Variants in RPTOR observed in about 807,000 individuals in gnomAD.
RPTOR encodes regulatory-associated protein of mTOR.
Under a neutral mutation model 169.9 loss-of-function variants are expected in RPTOR, and 21 were observed. The ratio of observed to expected loss-of-function variants is 0.12; its 90% CI spans 0.09 to 0.18. RPTOR has a LOEUF of 0.18. Among genes scored for constraint, RPTOR ranks in the 10% least tolerant of loss-of-function variants. The pLI, the probability that RPTOR is intolerant of heterozygous loss-of-function variation, is 1.00. For missense variants in RPTOR, 1,133 were observed against 1,855.9 expected (o/e 0.61, Z 7.16); for synonymous variants, 732 against 753.2 (o/e 0.97, Z 0.46).
At chr17:80,790,103 C>T (rs2067032135) in intron 6 of RPTOR, among the ~76,000 whole-genome samples, 1 of 152,172 alleles carries the variant, frequency 6.6e-6, no homozygotes, top group South Asian at 2.1e-4. Context: ...CTGGGCATGG[C>T]TGAGGAGAGC....
At chr17:80,894,280 T>C (rs1175432111) in intron 20 of RPTOR, among the ~76,000 whole-genome samples, 3 of 152,158 alleles carry the variant, frequency 2.0e-5, no homozygotes, top group Non-Finnish European at 4.4e-5. Flanking sequence ...CTTGTCCCAG[T>C]GGGTGAGGCC....
intron 1 of RPTOR, among the ~76,000 whole-genome samples, chr17:80,615,762 T>C (rs551186534): frequency 2.6e-5 from 4 of 152,242 alleles, no homozygotes; most frequent in Admixed American, 2.6e-4. Context: ...TCCTCCATTC[T>C]TTTTCTTCCC....
intron 21 of RPTOR, among the ~76,000 whole-genome samples, chr17:80,918,512 A>AGCACCCTCACGGGGGTCATAGCCATGAG (rs2068705908): frequency 8.5e-6 from 1 of 117,808 alleles, no homozygotes; most frequent in African/African-American, 3.2e-5. Context: ...CATAGCCATG[A>AGCACCCTCACGGGGGTCATAGCCATGAG]GCACCCTCGC....
At chr17:80,618,630 TA>T (rs1374061700) in intron 1 of RPTOR, among the ~76,000 whole-genome samples, 4 of 152,196 alleles carry the variant, frequency 2.6e-5, no homozygotes, top group Non-Finnish European at 5.9e-5. Context: ...AGGCAGATTT[TA>T]AAAGCAGTGA....
At chr17:80,852,006 C>G (rs1025956386) in intron 11 of RPTOR, among the ~76,000 whole-genome samples, 1 of 152,172 alleles carries the variant, frequency 6.6e-6, no homozygotes, top group Non-Finnish European at 1.5e-5. Context: ...GACCTGCCTC[C>G]TCTCCTCTCC....
chr17:80,875,538 A>G (rs995836459), intron 13 of RPTOR, among the ~76,000 whole-genome samples: 3 of 152,216 alleles, frequency 2.0e-5, no homozygotes, highest in Non-Finnish European at 4.4e-5. Context: ...TGGCCTTCAC[A>G]TGTCACCACC....
At chr17:80,634,593 T>TGTGTGTACTGTGTGC (rs2065482277) in intron 2 of RPTOR, among the ~76,000 whole-genome samples, 5 of 42,578 alleles carry the variant, frequency 1.2e-4, no homozygotes, top group Admixed American at 1.1e-3. Context: ...GCGTACTGTG[T>TGTGTGTACTGTGTGC]GTGTGCGTAC....
At chr17:80,663,440 T>G (rs1036674328) in intron 3 of RPTOR, among the ~76,000 whole-genome samples, 13 of 151,044 alleles carry the variant, frequency 8.6e-5, no homozygotes, top group African/African-American at 3.2e-4. Context: ...GAGGAATCTT[T>G]ATTTACAGTT....
In RPTOR at chr17:80,659,512, T is replaced by A. The variant is rs73437356; in HGVS notation, c.348+15702T>A. 6.6e-6 allele frequency among the ~76,000 whole-genome samples: 1 copy of A among 152,012 alleles called. No individual in the cohort carries two copies. The highest frequency in any genetic ancestry group is 2.4e-5 in the African/African-American group (1 of 41,398). On this transcript the variant is annotated intron_variant, in intron 3 of 33. Coordinates refer to ENST00000306801, the MANE Select transcript of RPTOR (RefSeq NM_020761.3). This position sits in a 1 kb window ranked among gnomAD's most constrained non-coding sequence, Gnocchi z 4.3. ...ATACCTGGCTAATTTTTATTTTTAT[T>A]TATTTATTTTTTTTCAGTTGGAGTT...
rs1484034147 is a variant in RPTOR, at chr17:80,960,590, A to C, written c.3605+385A>C. On this transcript the variant is annotated intron_variant, in intron 30 of 33. Coordinates refer to ENST00000306801, the MANE Select transcript of RPTOR (RefSeq NM_020761.3). The surrounding 1 kb of genome is among the most constrained non-coding windows in gnomAD (Gnocchi z 4.8). ...CTGCCTGCCACCTCCTGGGTCATGCAGCAAGTGTCTGGGGAGGGATGTCTG... is the reference window on the plus strand; with the variant it reads ...CTGCCTGCCACCTCCTGGGTCATGCCGCAAGTGTCTGGGGAGGGATGTCTG... Among the ~76,000 whole-genome samples the C allele has an allele frequency of 1.3e-5, 2 of 152,196 alleles. No homozygotes were observed. The highest frequency in any genetic ancestry group is 4.8e-5 in the African/African-American group (2 of 41,434).
chr17:80,934,380 A>G (rs1346543167), intron 24 of RPTOR, among the ~76,000 whole-genome samples: 1 of 152,150 alleles, frequency 6.6e-6, no homozygotes, highest in Non-Finnish European at 1.5e-5. Flanking sequence ...TTTGTTTGAG[A>G]TGGGGTCTCA....
chr17:80,567,751 C>T (rs2143291896), intron 1 of RPTOR, among the ~76,000 whole-genome samples: 1 of 151,606 alleles, frequency 6.6e-6, no homozygotes, highest in African/African-American at 2.4e-5. Context: ...GAGATCGCGC[C>T]ACTGCCCTCC....
intron 1 of RPTOR, 31 bp downstream of exon 1, chr17:80,545,822 T>C (rs775346035): frequency 7.8e-6 from 12 of 1,532,006 alleles, no homozygotes; most frequent in Non-Finnish European, 1.1e-5. Context: ...CCCCTTGAAC[T>C]TGGTAGTTTC....
intron 1 of RPTOR, among the ~76,000 whole-genome samples, chr17:80,607,919 G>T (rs182062223): frequency 2.6e-5 from 4 of 152,264 alleles, no homozygotes; most frequent in Admixed American, 6.5e-5. Flanking sequence ...ATTCCTTATG[G>T]TTAGAGGAAT....
chr17:80,858,247 G>A (rs1420892709), intron 13 of RPTOR: 2 of 287,858 alleles, frequency 6.9e-6, no homozygotes, highest in Non-Finnish European at 1.3e-5. Context: ...ACCCTGACTG[G>A]AAGCAACCCC....
intron 2 of RPTOR, 37 bp downstream of exon 2, chr17:80,625,830 G>C (rs374291231): frequency 2.7e-6 from 4 of 1,470,662 alleles, no homozygotes; most frequent in Non-Finnish European, 3.8e-6. Flanking sequence ...CACAAAGGCC[G>C]TCTGGCCGGC....
intron 6 of RPTOR, among the ~76,000 whole-genome samples, chr17:80,769,629 CCT>C (rs2066822054): frequency 6.6e-6 from 1 of 152,156 alleles, no homozygotes; most frequent in African/African-American, 2.4e-5. Flanking sequence ...TAGGGATACT[CCT>C]TCTGCTTGCC....
At chr17:80,590,241 A>G (rs1344628901) in intron 1 of RPTOR, among the ~76,000 whole-genome samples, 3 of 149,678 alleles carry the variant, frequency 2.0e-5, no homozygotes, top group East Asian at 2.0e-4. Context: ...GTGTGTTAGC[A>G]TGGTGAAGGA....
chr17:80,744,737 T>A (rs367593488), intron 5 of RPTOR, among the ~76,000 whole-genome samples: 23 of 4,512 alleles, frequency 5.1e-3, no homozygotes, highest in African/African-American at 0.015. Context: ...CTACTAGCAC[T>A]GTCCTGGCTA....
Sources: gnomAD v4.1 joint callset for allele counts (sites outside exome capture counted in the v4.1 genomes callset) on GRCh38, gnomAD v4.1.1 for gene constraint, Gnocchi (gnomAD v3.1) non-coding constraint, MANE v1.5 for transcripts, NCBI Gene and HGNC (gene_info 2026-07-23, HGNC 2026-07-21) for gene names.